The following ASCC3 variants were observed in gnomAD, a reference collection of about 807,000 sequenced individuals.
The protein encoded by ASCC3 is activating signal cointegrator 1 complex subunit 3.
In ASCC3, 158 loss-of-function variants were observed where a neutral mutation model predicts 256.3. The observed-to-expected ratio is 0.62, with a 90% confidence interval of 0.54 to 0.70. The LOEUF is 0.70. Among genes scored for constraint, ASCC3 ranks in the 30% least tolerant of loss-of-function variants. ASCC3 has a pLI of 0.00. For synonymous variants in ASCC3, 948 were observed against 883.4 expected, an observed-to-expected ratio of 1.07 and a Z score of -1.30; for missense variants, 2,259 against 2,626.0, an observed-to-expected ratio of 0.86 and a Z score of 3.05.
intron 36 of ASCC3, among the ~76,000 whole-genome samples, chr6:100,553,966 CACTT>C (rs1769435407): frequency 6.6e-6 from 1 of 152,242 alleles, no homozygotes; most frequent in African/African-American, 2.4e-5. Flanking sequence ...TCACATAACT[CACTT>C]GCTTGTTCTC....
intron 8 of ASCC3, among the ~76,000 whole-genome samples, chr6:100,776,316 C>T (rs1782185892): frequency 6.6e-6 from 1 of 151,938 alleles, no homozygotes; most frequent in Non-Finnish European, 1.5e-5. Flanking sequence ...ATGTTTAATC[C>T]AGATAGTCAT....
chr6:100,535,873 C>T (rs969496822), intron 37 of ASCC3, among the ~76,000 whole-genome samples: 7 of 152,052 alleles, frequency 4.6e-5, no homozygotes, highest in South Asian at 2.1e-4. Flanking sequence ...AACTTAAAAT[C>T]GAGGAAAACT....
chr6:100,623,161 A>T (rs1268247027), intron 30 of ASCC3, among the ~76,000 whole-genome samples: 1 of 152,180 alleles, frequency 6.6e-6, no homozygotes, highest in African/African-American at 2.4e-5. Flanking sequence ...TACCTTAGAC[A>T]CAACAGGATG....
intron 36 of ASCC3, among the ~76,000 whole-genome samples, chr6:100,568,454 G>A (rs1770386398): frequency 6.6e-6 from 1 of 151,146 alleles, no homozygotes; most frequent in East Asian, 1.9e-4. Flanking sequence ...TTAGCGATGT[G>A]GAGCATTTTT....
chr6:100,630,280 T>C (rs1582595724), intron 26 of ASCC3, among the ~76,000 whole-genome samples: 1 of 152,276 alleles, frequency 6.6e-6, no homozygotes, highest in East Asian at 1.9e-4. Context: ...AGTATTTACC[T>C]ATTCTTGTTT....
chr6:100,868,072 G>A, intron 1 of ASCC3, 34 bp from the exon 2 acceptor site: 3 of 1,195,786 alleles, frequency 2.5e-6, no homozygotes, highest in Non-Finnish European at 3.7e-6. Context: ...TATCTGTTCG[G>A]AAGAGGTGGC....
intron 4 of ASCC3, among the ~76,000 whole-genome samples, chr6:100,825,301 G>A (rs1488499016): frequency 8.8e-5 from 13 of 147,308 alleles, no homozygotes; most frequent in African/African-American, 2.8e-4. Context: ...TTAGCCCATC[G>A]GCTAAAAAAG....
intron 16 of ASCC3, among the ~76,000 whole-genome samples, chr6:100,657,998 A>C (rs1300869290): frequency 6.6e-6 from 1 of 151,516 alleles, no homozygotes; most frequent in Admixed American, 6.6e-5. Flanking sequence ...TCATCTCAAA[A>C]TCATATAGTA....
intron 30 of ASCC3, among the ~76,000 whole-genome samples, chr6:100,607,735 A>C (rs1470149524): frequency 6.6e-6 from 1 of 151,666 alleles, no homozygotes; most frequent in African/African-American, 2.4e-5. Flanking sequence ...CCTATTCAAA[A>C]ATTGTTTTCC....
chr6:100,620,720 AG>A, intron 30 of ASCC3, among the ~76,000 whole-genome samples: 1 of 152,262 alleles, frequency 6.6e-6, no homozygotes, highest in South Asian at 2.1e-4. Flanking sequence ...TCAACACTAG[AG>A]TCTTAACCAA....
chr6:100,631,580 AG>A (rs1297622991), intron 25 of ASCC3, among the ~76,000 whole-genome samples: 5 of 151,876 alleles, frequency 3.3e-5, no homozygotes, highest in African/African-American at 1.2e-4. Flanking sequence ...AGAGAAAATT[AG>A]GGTTCTGATA....
intron 30 of ASCC3, among the ~76,000 whole-genome samples, chr6:100,624,884 C>G (rs1378345563): frequency 6.6e-6 from 1 of 151,510 alleles, no homozygotes; most frequent in African/African-American, 2.4e-5. Flanking sequence ...TTTTTTAAAA[C>G]CCAAATTTTG....
At chr6:100,731,934 G>C (rs1014801220) in intron 10 of ASCC3, among the ~76,000 whole-genome samples, 4 of 152,066 alleles carry the variant, frequency 2.6e-5, no homozygotes, top group African/African-American at 9.7e-5. Context: ...GGCCAAGGTG[G>C]GCAGATAAAA....
intron 37 of ASCC3, among the ~76,000 whole-genome samples, chr6:100,532,445 A>C (rs890519875): frequency 1.5e-5 from 2 of 132,652 alleles, no homozygotes; most frequent in African/African-American, 5.7e-5. Flanking sequence ...AAAAGCCATG[A>C]GCTGCTTTTA....
chr6:100,723,605 G>C (rs995757390), intron 11 of ASCC3, among the ~76,000 whole-genome samples: 3 of 151,074 alleles, frequency 2.0e-5, no homozygotes, highest in East Asian at 1.9e-4. Context: ...ATCTGAATCA[G>C]AGGTATTTAG....
At chr6:100,815,139 G>A (rs190391743) in intron 4 of ASCC3, among the ~76,000 whole-genome samples, 3 of 152,098 alleles carry the variant, frequency 2.0e-5, no homozygotes, top group Admixed American at 2.0e-4. Flanking sequence ...CAAGCCAAGA[G>A]ACAAATCGGG....
intron 30 of ASCC3, among the ~76,000 whole-genome samples, chr6:100,620,926 T>C (rs1172526320): frequency 2.0e-5 from 3 of 152,232 alleles, no homozygotes; most frequent in African/African-American, 7.2e-5. Flanking sequence ...CTTTATAGTA[T>C]GCTTCAGTAT....
In ASCC3 at chr6:100,813,207, G is replaced by C. The variant is rs1433243185; in HGVS notation, c.802-7327C>G. Among the ~76,000 whole-genome samples the C allele has an allele frequency of 8.5e-5, 13 of 152,268 alleles. No homozygotes were observed. The East Asian group carries it at 1.7e-3, about 20-fold the overall frequency. Reference sequence around the variant, plus strand: ...GCGGTGGCTCATGCCTGTAATCCCAGCACTTTGGGAGGCCGAAGCGGGAGG... The same window carrying C: ...GCGGTGGCTCATGCCTGTAATCCCACCACTTTGGGAGGCCGAAGCGGGAGG... On this transcript the variant is annotated intron_variant, in intron 4 of 41. Coordinates refer to ENST00000369162, the MANE Select transcript of ASCC3 (RefSeq NM_006828.4).
intron 36 of ASCC3, among the ~76,000 whole-genome samples, chr6:100,558,956 G>C (rs1769778124): frequency 6.6e-6 from 1 of 152,046 alleles, no homozygotes; most frequent in Admixed American, 6.6e-5. Flanking sequence ...CTCTTCTTGA[G>C]ATATACATTG....
Sources: gnomAD v4.1 joint callset for allele counts (sites outside exome capture counted in the v4.1 genomes callset) on GRCh38, gnomAD v4.1.1 for gene constraint, MANE v1.5 for transcripts, NCBI Gene and HGNC (gene_info 2026-07-23, HGNC 2026-07-21) for gene names.